NRXN3: variants seen among roughly 807,000 people sequenced by gnomAD.
The protein encoded by NRXN3 is neurexin 3.
Under a neutral mutation model 137.6 loss-of-function variants are expected in NRXN3, and 32 were observed. The ratio of observed to expected loss-of-function variants is 0.23; its 90% CI spans 0.18 to 0.31. The LOEUF (loss-of-function observed/expected upper bound fraction) is 0.31, where lower values mean the gene tolerates loss of function less well. NRXN3 is among the 10% of genes least tolerant of loss of function. The pLI is 1.00. For missense variants in NRXN3, 1,574 were observed against 2,062.5 expected, an observed-to-expected ratio of 0.76 and a Z score of 4.59; for synonymous variants, 798 against 784.5, an observed-to-expected ratio of 1.02 and a Z score of -0.29.
intron 19 of NRXN3, among the ~76,000 whole-genome samples, chr14:79,797,018 C>T (rs1568284245): frequency 6.6e-6 from 1 of 152,174 alleles, no homozygotes. Flanking sequence ...CCAGGTCAGC[C>T]TGGTCCCAAG....
chr14:78,700,080 G>C (rs984446698), intron 6 of NRXN3, among the ~76,000 whole-genome samples: 2 of 152,098 alleles, frequency 1.3e-5, no homozygotes, highest in African/African-American at 2.4e-5. Context: ...CTCCAATTTT[G>C]ATATGAAAAA....
At chr14:78,576,489 A>G (rs945714689) in intron 4 of NRXN3, among the ~76,000 whole-genome samples, 1 of 152,144 alleles carries the variant, frequency 6.6e-6, no homozygotes, top group Non-Finnish European at 1.5e-5. Flanking sequence ...AACTACTATT[A>G]CTATTTTGGT....
At chr14:78,596,353 G>A (rs2097158029) in intron 4 of NRXN3, among the ~76,000 whole-genome samples, 1 of 152,136 alleles carries the variant, frequency 6.6e-6, no homozygotes, top group Non-Finnish European at 1.5e-5. Flanking sequence ...ACGTGGGGTG[G>A]GGAGGGTGAA....
intron 16 of NRXN3, among the ~76,000 whole-genome samples, chr14:79,602,742 T>A (rs1208075031): frequency 6.6e-6 from 1 of 152,200 alleles, no homozygotes; most frequent in African/African-American, 2.4e-5. Context: ...GGAGCTTTTT[T>A]TTTTTTCCTA....
At chr14:79,477,116 AT>A (rs895646502) in intron 16 of NRXN3, among the ~76,000 whole-genome samples, 160 of 147,872 alleles carry the variant, frequency 1.1e-3, no homozygotes, top group African/African-American at 3.0e-3. Context: ...GGTTGCTGAG[AT>A]TTTTTTTTTT....
intron 4 of NRXN3, among the ~76,000 whole-genome samples, chr14:78,497,741 G>A (rs2095811689): frequency 6.6e-6 from 1 of 152,148 alleles, no homozygotes; most frequent in South Asian, 2.1e-4. Flanking sequence ...TATATAGGCT[G>A]TATGTAGCCT....
chr14:79,475,660 C>G (rs111492804), intron 16 of NRXN3, among the ~76,000 whole-genome samples: 61 of 152,142 alleles, frequency 4.0e-4, no homozygotes, highest in African/African-American at 1.4e-3. Flanking sequence ...ATATAGTGAG[C>G]TTTCAATCAT....
intron 4 of NRXN3, among the ~76,000 whole-genome samples, chr14:78,590,927 A>C (rs1266049585): frequency 6.6e-6 from 1 of 152,178 alleles, no homozygotes; most frequent in Admixed American, 6.5e-5. Flanking sequence ...ACAAAAAACC[A>C]AAAAAGAATG....
chr14:79,129,946 C>T (rs1395328521), intron 15 of NRXN3, among the ~76,000 whole-genome samples: 2 of 149,144 alleles, frequency 1.3e-5, no homozygotes, highest in Non-Finnish European at 1.5e-5. Flanking sequence ...CCTTCTTTGT[C>T]TCTTTTGATT....
chr14:79,460,566 T>G (rs1368040479), intron 15 of NRXN3, among the ~76,000 whole-genome samples: 1 of 152,214 alleles, frequency 6.6e-6, no homozygotes, highest in Non-Finnish European at 1.5e-5. Context: ...TGGTGTTTGT[T>G]CTGCTTATAA....
At chr14:78,666,854 T>C (rs1488991149) in intron 6 of NRXN3, among the ~76,000 whole-genome samples, 1 of 152,188 alleles carries the variant, frequency 6.6e-6, no homozygotes, top group African/African-American at 2.4e-5. Context: ...GCAAAGCATG[T>C]CTTCTTCAGC....
intron 15 of NRXN3, among the ~76,000 whole-genome samples, chr14:79,367,443 G>C (rs1217542757): frequency 6.6e-6 from 1 of 152,142 alleles, no homozygotes; most frequent in Non-Finnish European, 1.5e-5. Flanking sequence ...TCATTTACAT[G>C]TGGAAGGATG....
At chr14:79,260,264 T>C (rs755229467) in intron 15 of NRXN3, among the ~76,000 whole-genome samples, 27 of 152,182 alleles carry the variant, frequency 1.8e-4, no homozygotes, top group Non-Finnish European at 3.4e-4. Context: ...TATCCATATC[T>C]ATAAATTCTA....
chr14:78,244,866 G>A (rs1416603393), intron 2 of NRXN3, among the ~76,000 whole-genome samples: 9 of 152,332 alleles, frequency 5.9e-5, no homozygotes, highest in Non-Finnish European at 8.8e-5. Flanking sequence ...AGGTTCAACC[G>A]TGACTTCCCA....
chr14:78,504,741 C>T (rs1380387619), intron 4 of NRXN3, among the ~76,000 whole-genome samples: 2 of 152,080 alleles, frequency 1.3e-5, no homozygotes, highest in East Asian at 1.9e-4. Flanking sequence ...CTGATATTTG[C>T]GAAGTTCCCA....
chr14:79,564,346 A>G (rs969430117), intron 16 of NRXN3, among the ~76,000 whole-genome samples: 4 of 152,124 alleles, frequency 2.6e-5, no homozygotes, highest in Non-Finnish European at 5.9e-5. Flanking sequence ...ATGAAGGTCT[A>G]TAATAATAAT....
At chr14:78,612,144 C>T (rs2097305744) in intron 4 of NRXN3, among the ~76,000 whole-genome samples, 1 of 152,198 alleles carries the variant, frequency 6.6e-6, no homozygotes, top group African/African-American at 2.4e-5. Context: ...GAAAACCCTT[C>T]TCTAAGTTGT....
chr14:79,033,029 G>A (rs916015646), intron 15 of NRXN3, among the ~76,000 whole-genome samples: 9 of 151,968 alleles, frequency 5.9e-5, no homozygotes, highest in East Asian at 1.9e-4. Context: ...TCATCCCTTC[G>A]CACTGCCCTT....
At chr14:78,429,784 T>G (rs1218386614) in intron 4 of NRXN3, among the ~76,000 whole-genome samples, 1 of 152,206 alleles carries the variant, frequency 6.6e-6, no homozygotes, top group Non-Finnish European at 1.5e-5. Flanking sequence ...AAGATAGATT[T>G]GTAGACCATT....
Sources: gnomAD v4.1 joint callset for allele counts (sites outside exome capture counted in the v4.1 genomes callset) on GRCh38, gnomAD v4.1.1 for gene constraint, MANE v1.5 for transcripts, NCBI Gene and HGNC (gene_info 2026-07-23, HGNC 2026-07-21) for gene names.